LRRN3: variants seen among roughly 807,000 people sequenced by gnomAD.
The protein encoded by LRRN3 is leucine-rich repeat neuronal protein 3.
A neutral mutation model predicts 40.1 loss-of-function variants in LRRN3; 15 were observed. The observed-to-expected ratio is 0.37, with a 90% CI of 0.25 to 0.58. LRRN3 has a LOEUF of 0.58. LRRN3 is among the 20% of genes least tolerant of loss of function. The pLI is 0.72. For missense variants in LRRN3, 746 were observed against 837.7 expected, an observed-to-expected ratio of 0.89 and a Z score of 1.35; for synonymous variants, 308 against 297.2, an observed-to-expected ratio of 1.04 and a Z score of -0.37.
intron 1 of LRRN3, among the ~76,000 whole-genome samples, chr7:111,092,111 T>C (rs771976738): frequency 2.6e-5 from 4 of 152,190 alleles, no homozygotes; most frequent in Non-Finnish European, 4.4e-5. Flanking sequence ...CAAACAGTTA[T>C]TGAATTTCTG....
At chr7:111,111,869 T>TA in intron 2 of LRRN3, among the ~76,000 whole-genome samples, 1 of 150,282 alleles carries the variant, frequency 6.7e-6, no homozygotes, top group Non-Finnish European at 1.5e-5. Flanking sequence ...GCCTTTAAGT[T>TA]AAGTTAGGTG....
At chr7:111,116,653 T>C (rs2129585818) in intron 2 of LRRN3, among the ~76,000 whole-genome samples, 1 of 152,302 alleles carries the variant, frequency 6.6e-6, no homozygotes, top group Non-Finnish European at 1.5e-5. Context: ...GAGAGCGATG[T>C]GATTACTCTC....
intron 2 of LRRN3, among the ~76,000 whole-genome samples, chr7:111,114,961 T>A (rs1799698782): frequency 6.6e-6 from 1 of 152,138 alleles, no homozygotes; most frequent in Admixed American, 6.5e-5. Context: ...CAGACAGGCA[T>A]CACCCAAATA....
intron 1 of LRRN3, among the ~76,000 whole-genome samples, chr7:111,098,668 A>C (rs1797652187): frequency 6.6e-6 from 1 of 151,726 alleles, no homozygotes; most frequent in African/African-American, 2.4e-5. Flanking sequence ...ACATTTTCTC[A>C]TTTAATCTTC....
At chr7:111,122,111 T>C (rs1045857342) in intron 2 of LRRN3, among the ~76,000 whole-genome samples, 1 of 150,108 alleles carries the variant, frequency 6.7e-6, no homozygotes, top group African/African-American at 2.4e-5. Context: ...TTAGGAGATA[T>C]ACCTAATGTT....
rs1800779096 is a variant in LRRN3 at position 111,122,567 on chromosome 7, T to A, written c.-206T>A. ...TTATATCATTAAGGAAATAGTAACC[T>A]TCTCTTCTCCAATATGCATGACATT... On this transcript the variant is annotated 5_prime_UTR_variant, in exon 3 of 3. Transcript: ENST00000308478. 5.4e-6 allele frequency: 3 copies of A among 552,144 alleles called. No individual in the cohort carries two copies. In the South Asian group the frequency reaches 7.9e-5, roughly 15 times the overall value. 34.2% of individuals were successfully genotyped at this position (552,144 alleles called of 1,614,324 possible). A position where few individuals can be genotyped will look rare whatever the true frequency, so the allele number is the denominator to read the frequency against.
rs2129590268 is a variant in LRRN3 at position 111,124,795 on chromosome 7, G to A, written c.2023G>A (p.Glu675Lys). 1 of 1,613,484 alleles carries A rather than the reference G, an allele frequency of 6.2e-7. No individual in the cohort carries two copies. The highest frequency in any genetic ancestry group is 8.5e-7 in the Non-Finnish European group (1 of 1,179,880). Reference sequence around the variant, plus strand: ...ACAGAAACCAACCTTTGCATTAGGTGAGCTTTATCCTCCTCTGATAAATCT... The same window carrying A: ...ACAGAAACCAACCTTTGCATTAGGTAAGCTTTATCCTCCTCTGATAAATCT... Reference protein sequence around the residue: ...YLQKPTFALGELYPPLINLWE... With the variant: ...YLQKPTFALGKLYPPLINLWE... Residue 675 changes from glutamate to lysine, a missense_variant, in exon 3 of 3, where the codon GAG becomes AAG. Physicochemically the swap from Glu to Lys is moderately conservative, Grantham distance 56. Transcript: ENST00000308478.
chr7:111,123,114 G>T lies in LRRN3; in HGVS notation c.342G>T (p.Lys114Asn). 1 of 1,613,632 alleles carries T rather than the reference G, an allele frequency of 6.2e-7. No homozygotes were observed. Among genetic ancestry groups the T allele is most frequent in the Non-Finnish European group, 8.5e-7 (1 of 1,179,816 alleles). ...LSSVTNINVK[K>N]MPQLLSVYLE... Reference sequence around the variant, plus strand: ...CAGTCACCAATATTAATGTAAAAAAGATGCCTCAGCTCCTTTCTGTGTACC... The same window carrying T: ...CAGTCACCAATATTAATGTAAAAAATATGCCTCAGCTCCTTTCTGTGTACC... The change falls in exon 3 of 3, where the codon AAG becomes AAT. Residue 114 changes from lysine to asparagine, a missense_variant. Physicochemically the swap from Lys to Asn is moderately conservative, Grantham distance 94. Transcript: ENST00000308478. The surrounding 1 kb of genome is among the most constrained non-coding windows in gnomAD (Gnocchi z 6.4).
chr7:111,123,577 A>G lies in LRRN3; in HGVS notation c.805A>G (p.Lys269Glu). ...AAATCTCAAATTTTTGGATCTAAAT[A>G]AAAATCCTATTAATAGAATACGAAG... is the stretch of plus-strand genomic sequence containing the variant. The part of the protein sequence containing the change: ...VVNLKFLDLN[K>E]NPINRIRRGD... Residue 269 changes from lysine to glutamate, a missense_variant, in exon 3 of 3, where the codon AAA becomes GAA. Transcript: ENST00000308478. The surrounding 1 kb of genome is among the most constrained non-coding windows in gnomAD (Gnocchi z 6.4). 1.9e-6 allele frequency: 3 copies of G among 1,613,530 alleles called. No homozygotes were observed. Among genetic ancestry groups the G allele is most frequent in the Non-Finnish European group, 2.5e-6 (3 of 1,179,604 alleles).
intron 1 of LRRN3, among the ~76,000 whole-genome samples, chr7:111,094,124 G>A (rs1213774373): frequency 6.6e-6 from 1 of 151,982 alleles, no homozygotes; most frequent in Non-Finnish European, 1.5e-5. Flanking sequence ...TGGGTTTGAT[G>A]TTTCACTCCT....
intron 2 of LRRN3, among the ~76,000 whole-genome samples, chr7:111,114,958 G>A (rs990477703): frequency 2.0e-5 from 3 of 151,986 alleles, no homozygotes; most frequent in African/African-American, 7.2e-5. Flanking sequence ...TTACAGACAG[G>A]CATCACCCAA....
At chr7:111,111,299 T>C (rs1446691268) in intron 2 of LRRN3, among the ~76,000 whole-genome samples, 1 of 92,282 alleles carries the variant, frequency 1.1e-5, no homozygotes, top group Admixed American at 1.3e-4. Flanking sequence ...GTAGCAGTTG[T>C]AAAAAAAAAA....
rs766189186 is a variant in LRRN3, at chr7:111,124,486, C to G, written c.1714C>G (p.Pro572Ala). 1 of 1,613,910 alleles carries G rather than the reference C, an allele frequency of 6.2e-7. No homozygotes were observed. The highest frequency in any genetic ancestry group is 2.2e-5 in the East Asian group (1 of 44,834). The change falls in exon 3 of 3, where the codon CCA (proline) becomes GCA (alanine). Residue 572 changes from proline to alanine, a missense_variant. Physicochemically the swap from Pro to Ala is conservative, Grantham distance 27 (BLOSUM62 -1). Coordinates refer to ENST00000308478, the MANE Select transcript of LRRN3 (RefSeq NM_001099658.2). ...TCATGCTGCGCAAAGTGCTCGAATA[C>G]CATCTGATGTCAAGGTATATAATCT... Reference protein sequence around the residue: ...NSHAAQSARIPSDVKVYNLTH... With the variant: ...NSHAAQSARIASDVKVYNLTH...
rs771693596 is a variant in LRRN3 at position 111,124,596 on chromosome 7, T to A, written c.1824T>A (p.Asn608Lys). Residue 608 changes from asparagine to lysine, a missense_variant, in exon 3 of 3, where the codon AAT becomes AAA. By Grantham distance (94) the Asn-to-Lys change is moderately conservative. Transcript: ENST00000308478. ...AGAAAAACAGAAAAAAATGTGTAAATGTCACCACCAAAGGTTTGCACCCTG... is the reference window on the plus strand; with the variant it reads ...AGAAAAACAGAAAAAAATGTGTAAAAGTCACCACCAAAGGTTTGCACCCTG... ...IYQKNRKKCVNVTTKGLHPDQ... is the reference protein window; with the variant it reads ...IYQKNRKKCVKVTTKGLHPDQ... 6.2e-7 allele frequency: 1 copy of A among 1,613,946 alleles called. No homozygotes were observed. The highest frequency in any genetic ancestry group is 8.5e-7 in the Non-Finnish European group (1 of 1,179,990).
In LRRN3 at chr7:111,099,116, C is replaced by T. The variant is rs1044031650; in HGVS notation, c.-440-765C>T. On this transcript the variant is annotated intron_variant, in intron 1 of 2. Coordinates refer to ENST00000308478, the MANE Select transcript of LRRN3 (RefSeq NM_001099658.2). The stretch of plus-strand genomic sequence containing the variant: ...GTGAACTGGCAGCTTATAACTTCCT[C>T]TATCATCATTTTTCCATCGAGTGGA... Among the ~76,000 whole-genome samples, 8 of 151,782 alleles carry T rather than the reference C, an allele frequency of 5.3e-5. No individual in the cohort carries two copies. The East Asian group carries it at 1.2e-3, about 22-fold the overall frequency.
At chr7:111,102,453 C>G (rs1798076920) in intron 2 of LRRN3, among the ~76,000 whole-genome samples, 1 of 151,500 alleles carries the variant, frequency 6.6e-6, no homozygotes, top group South Asian at 2.1e-4. Context: ...CAAGATGTCT[C>G]TTTAGATTGT....
intron 2 of LRRN3, among the ~76,000 whole-genome samples, chr7:111,100,680 G>T (rs999109393): frequency 6.6e-6 from 1 of 151,142 alleles, no homozygotes; most frequent in South Asian, 2.1e-4. Context: ...AAAAATTTAG[G>T]CTCTGGCTGA....
At position 111,124,631 on chromosome 7, in the gene LRRN3, A is replaced by C; in HGVS notation, c.1859A>C (p.Glu620Ala). The change falls in exon 3 of 3, where the codon GAG becomes GCG. Residue 620 changes from glutamate (E) to alanine (A), a missense_variant. Coordinates refer to ENST00000308478, the MANE Select transcript of LRRN3 (RefSeq NM_001099658.2). The part of the protein sequence containing the change: ...TTKGLHPDQK[E>A]YEKNNTTTLM... ...AAAGGTTTGCACCCTGATCAAAAAG[A>C]GTATGAAAAGAATAATACCACAACA... The C allele has an allele frequency of 6.2e-7, 1 of 1,614,040 alleles. No homozygotes were observed. The highest frequency in any genetic ancestry group is 8.5e-7 in the Non-Finnish European group (1 of 1,180,006).
intron 2 of LRRN3, among the ~76,000 whole-genome samples, chr7:111,104,673 A>C (rs1460350976): frequency 6.6e-6 from 1 of 151,768 alleles, no homozygotes; most frequent in Non-Finnish European, 1.5e-5. Flanking sequence ...AATGTGGAGA[A>C]AAGGAAAATT....
Sources: gnomAD v4.1 joint callset for allele counts (sites outside exome capture counted in the v4.1 genomes callset) on GRCh38, gnomAD v4.1.1 for gene constraint, Gnocchi (gnomAD v3.1) non-coding constraint, MANE v1.5 for transcripts, NCBI Gene and HGNC (gene_info 2026-07-23, HGNC 2026-07-21) for gene names.